TTC6: variants seen among roughly 807,000 people sequenced by gnomAD.
TTC6 encodes tetratricopeptide repeat protein 6.
In TTC6, 172 loss-of-function variants were observed where a neutral mutation model predicts 210.4. That is an observed-to-expected ratio of 0.82 (90% CI 0.72 to 0.93). The LOEUF (loss-of-function observed/expected upper bound fraction) is 0.93. TTC6 is among the 40% of genes least tolerant of loss of function. The pLI, the probability that TTC6 is intolerant of heterozygous loss-of-function variation, is 0.00. For synonymous variants in TTC6, 804 were observed against 819.6 expected, an observed-to-expected ratio of 0.98 and a Z score of 0.32; for missense variants, 2,414 against 2,318.1, an observed-to-expected ratio of 1.04 and a Z score of -0.85.
chr14:37,826,407 T>A, intron 28 of TTC6, 60 bp downstream of exon 30: 4 of 1,366,358 alleles, frequency 2.9e-6, no homozygotes, highest in Non-Finnish European at 3.9e-6. Flanking sequence ...AATGAATAGG[T>A]GCAAGTAAGA....
chr14:37,732,035 C>T (rs1328801530), intron 7 of TTC6, among the ~76,000 whole-genome samples: 3 of 151,848 alleles, frequency 2.0e-5, no homozygotes, highest in African/African-American at 7.3e-5. Flanking sequence ...GGTGCCAATC[C>T]CTGCACAGTT....
exon 4 of TTC6, chr14:37,696,823 A>G (rs1332142434): frequency 3.7e-6 from 5 of 1,358,764 alleles, no homozygotes; most frequent in Non-Finnish European, 3.8e-6. Context: ...TGTGATAAAA[A>G]ACTACATAAA....
chr14:37,706,751 T>C (rs940944596), intron 5 of TTC6, among the ~76,000 whole-genome samples: 1 of 152,110 alleles, frequency 6.6e-6, no homozygotes, highest in African/African-American at 2.4e-5. Context: ...TTTGTTTTCA[T>C]TGTACACTTA....
At chr14:37,727,866 C>T (rs544181047) in intron 7 of TTC6, among the ~76,000 whole-genome samples, 1 of 152,154 alleles carries the variant, frequency 6.6e-6, no homozygotes, top group East Asian at 1.9e-4. Context: ...ATATATTCTT[C>T]AAAATACCAG....
intron 9 of TTC6, among the ~76,000 whole-genome samples, chr14:37,738,205 T>C (rs979597007): frequency 1.3e-5 from 2 of 149,678 alleles, no homozygotes; most frequent in African/African-American, 4.9e-5. Flanking sequence ...AATAATATTA[T>C]TAAAAATTAA....
intron 14 of TTC6, among the ~76,000 whole-genome samples, chr14:37,779,922 T>A (rs550718769): frequency 1.1e-3 from 163 of 152,282 alleles, no homozygotes; most frequent in African/African-American, 3.8e-3. Context: ...AAAGTAGGTC[T>A]TTATTATATT....
At chr14:37,725,310 GTGTATATATATATA>G (rs1227400551) in intron 7 of TTC6, among the ~76,000 whole-genome samples, 69 of 55,718 alleles carry the variant, frequency 1.2e-3, no homozygotes, top group South Asian at 4.3e-3. Context: ...GTGTGTGTGT[GTGTATATATATATA>G]TATATATATA....
intron 10 of TTC6, among the ~76,000 whole-genome samples, chr14:37,742,773 G>T (rs1164464802): frequency 6.6e-6 from 1 of 152,130 alleles, no homozygotes; most frequent in African/African-American, 2.4e-5. Context: ...GCTGGCAGCA[G>T]TGATGTTCTA....
At chr14:37,725,294 A>T (rs2095869483) in intron 7 of TTC6, among the ~76,000 whole-genome samples, 1 of 76,118 alleles carries the variant, frequency 1.3e-5, no homozygotes, top group Non-Finnish European at 2.9e-5. Flanking sequence ...TTATATATGT[A>T]TGTATGTGTG....
intron 1 of TTC6, among the ~76,000 whole-genome samples, chr14:37,633,377 G>A (rs2095673804): frequency 6.6e-6 from 1 of 152,164 alleles, no homozygotes; most frequent in South Asian, 2.1e-4. Context: ...ACTAGGGGAG[G>A]GAGTTTTCCA....
At chr14:37,629,054 T>C (rs1158655682) in intron 1 of TTC6, among the ~76,000 whole-genome samples, 1 of 152,228 alleles carries the variant, frequency 6.6e-6, no homozygotes, top group Admixed American at 6.5e-5. Context: ...CCTCCAGCTT[T>C]ATTCTTTTTG....
intron 6 of TTC6, among the ~76,000 whole-genome samples, chr14:37,718,095 T>A (rs1227537368): frequency 6.6e-6 from 1 of 152,198 alleles, no homozygotes; most frequent in Non-Finnish European, 1.5e-5. Flanking sequence ...AATTACCCAG[T>A]CTCAGGTGTT....
chr14:37,701,260 C>A, intron 4 of TTC6, 72 bp from the exon 7 acceptor site: 2 of 1,047,824 alleles, frequency 1.9e-6, no homozygotes, highest in Non-Finnish European at 2.5e-6. Context: ...ACTAAATTGT[C>A]AGTATAAATG....
At chr14:37,612,276 A>G (rs1461532892) in intron 2 of TTC6, among the ~76,000 whole-genome samples, 1 of 152,184 alleles carries the variant, frequency 6.6e-6, no homozygotes, top group East Asian at 1.9e-4. Flanking sequence ...GTGTGACACT[A>G]TAGAAGAGGT....
chr14:37,627,171 T>C (rs1185582500), intron 1 of TTC6, among the ~76,000 whole-genome samples: 1 of 152,168 alleles, frequency 6.6e-6, no homozygotes, highest in African/African-American at 2.4e-5. Flanking sequence ...CTATGATTTT[T>C]AGCTTCCTGA....
intron 20 of TTC6, among the ~76,000 whole-genome samples, chr14:37,797,435 A>G (rs2096095286): frequency 6.6e-6 from 1 of 151,948 alleles, no homozygotes; most frequent in Admixed American, 6.6e-5. Context: ...GAATCTTTTT[A>G]TGTTTATCAG....
chr14:37,816,525 C>G (rs866173239), intron 25 of TTC6, among the ~76,000 whole-genome samples: 1 of 152,166 alleles, frequency 6.6e-6, no homozygotes, highest in Non-Finnish European at 1.5e-5. Context: ...ATATTCCCCA[C>G]TGCTCTGCTT....
intron 23 of TTC6, 113 bp from the exon 26 acceptor site, chr14:37,808,620 G>A (rs1445284453): frequency 1.1e-5 from 6 of 546,430 alleles, no homozygotes; most frequent in African/African-American, 2.0e-5. Flanking sequence ...ATGATACAAA[G>A]AATGGTTAAA....
chr14:37,819,359 G>C (rs922756374), intron 26 of TTC6, among the ~76,000 whole-genome samples: 1 of 152,032 alleles, frequency 6.6e-6, no homozygotes, highest in African/African-American at 2.4e-5. Context: ...CTTACAGTAG[G>C]GAAAGTAAAC....
Sources: allele counts gnomAD v4.1 joint callset (sites outside exome capture counted in the v4.1 genomes callset), GRCh38; gene constraint gnomAD v4.1.1; transcripts MANE v1.5; gene names NCBI Gene and HGNC (gene_info 2026-07-23, HGNC 2026-07-21).